Variants in MYO1E observed in about 807,000 individuals in gnomAD.
MYO1E encodes myosin IE, also known as unconventional myosin-Ie.
In MYO1E, 68 loss-of-function variants were observed where a neutral mutation model predicts 151.1. That is an observed-to-expected ratio of 0.45 (90% CI 0.37 to 0.55). The LOEUF (loss-of-function observed/expected upper bound fraction) is 0.55. Among genes scored for constraint, MYO1E ranks in the 20% least tolerant of loss-of-function variants. The pLI is 0.00. For missense variants in MYO1E, 1,363 were observed against 1,389.3 expected, an observed-to-expected ratio of 0.98 and a Z score of 0.30; for synonymous variants, 601 against 501.7, an observed-to-expected ratio of 1.20 and a Z score of -2.64.
chr15:59,141,257 G>GCACA (rs538600067), intron 26 of MYO1E, among the ~76,000 whole-genome samples: 104 of 152,172 alleles, frequency 6.8e-4, no homozygotes, highest in African/African-American at 2.2e-3. Context: ...ACATGTGCAC[G>GCACA]CACACACACC....
intron 1 of MYO1E, among the ~76,000 whole-genome samples, chr15:59,366,176 A>C (rs2080911866): frequency 6.6e-6 from 1 of 152,044 alleles, no homozygotes; most frequent in Non-Finnish European, 1.5e-5. Context: ...ACGGGGTTTC[A>C]CCAGGTTGGC....
At chr15:59,229,708 T>C (rs1433677299) in intron 6 of MYO1E, among the ~76,000 whole-genome samples, 1 of 152,238 alleles carries the variant, frequency 6.6e-6, no homozygotes, top group African/African-American at 2.4e-5. Flanking sequence ...AAGTGTTAAA[T>C]ATATACATTC....
At chr15:59,258,350 AAAAC>A (rs763605787) in intron 3 of MYO1E, among the ~76,000 whole-genome samples, 3 of 152,240 alleles carry the variant, frequency 2.0e-5, no homozygotes, top group Non-Finnish European at 4.4e-5. Context: ...GTCTCAAAAC[AAAAC>A]AAACAAACAA....
intron 1 of MYO1E, among the ~76,000 whole-genome samples, chr15:59,371,811 C>T (rs1414698844): frequency 6.6e-6 from 1 of 151,708 alleles, no homozygotes; most frequent in East Asian, 2.0e-4. Flanking sequence ...GGCCGGCGCC[C>T]GGCACAGGTC....
chr15:59,243,408 G>C (rs1273389987), intron 4 of MYO1E, among the ~76,000 whole-genome samples: 2 of 152,134 alleles, frequency 1.3e-5, no homozygotes, highest in African/African-American at 4.8e-5. Flanking sequence ...CTTTACATGT[G>C]TCAATCACTT....
chr15:59,341,694 T>C (rs779196479), intron 1 of MYO1E, among the ~76,000 whole-genome samples: 1 of 152,210 alleles, frequency 6.6e-6, no homozygotes, highest in South Asian at 2.1e-4. Flanking sequence ...CATTCTTTTT[T>C]ATTGCTGATT....
At chr15:59,229,070 C>T (rs1188965344) in intron 6 of MYO1E, among the ~76,000 whole-genome samples, 2 of 152,156 alleles carry the variant, frequency 1.3e-5, no homozygotes, top group South Asian at 2.1e-4. Context: ...CTTCCTTTGG[C>T]GGCCACCTTC....
intron 1 of MYO1E, among the ~76,000 whole-genome samples, chr15:59,341,758 T>G (rs2080767059): frequency 6.6e-6 from 1 of 152,210 alleles, no homozygotes; most frequent in East Asian, 1.9e-4. Flanking sequence ...AATGATTTCA[T>G]TCATCATTTG....
chr15:59,183,830 C>T (rs1005840697), intron 18 of MYO1E, among the ~76,000 whole-genome samples: 23 of 152,080 alleles, frequency 1.5e-4, no homozygotes, highest in African/African-American at 5.3e-4. Flanking sequence ...CTTCCCCTTC[C>T]CCCACTACCC....
Position 59,138,340 on chromosome 15 carries a change from A to T in MYO1E, c.3108T>A (p.Pro1036=). 6.2e-7 allele frequency: 1 copy of T among 1,613,996 alleles called. No homozygotes were observed. Among genetic ancestry groups the T allele is most frequent in the Non-Finnish European group, 8.5e-7 (1 of 1,179,980 alleles). ...GCTTGGGTCTGCCCCCTGCTGGGGGAGGCCGACTGGTTGTTTGTCTCCTGA... is the reference window on the plus strand; with the variant it reads ...GCTTGGGTCTGCCCCCTGCTGGGGGTGGCCGACTGGTTGTTTGTCTCCTGA... The part of the protein sequence containing the change: ...AGVRRQTTSR[P]PPAGGRPKPQ... The change falls in exon 27 of 28, where the codon CCT becomes CCA. Residue 1036 remains proline (P), a synonymous_variant. Transcript: ENST00000288235.
At chr15:59,145,071 G>A (rs1397970147) in intron 26 of MYO1E, among the ~76,000 whole-genome samples, 2 of 152,114 alleles carry the variant, frequency 1.3e-5, no homozygotes, top group Non-Finnish European at 2.9e-5. Context: ...TTGAACTCCT[G>A]ACCTCAACTG....
intron 25 of MYO1E, among the ~76,000 whole-genome samples, chr15:59,155,706 T>C (rs1365370510): frequency 2.6e-5 from 4 of 152,150 alleles, no homozygotes; most frequent in African/African-American, 9.7e-5. Flanking sequence ...GTGCTTGGAT[T>C]TTCTTCAAAG....
intron 4 of MYO1E, among the ~76,000 whole-genome samples, chr15:59,255,925 C>T (rs542380473): frequency 6.6e-6 from 1 of 152,184 alleles, no homozygotes; most frequent in East Asian, 1.9e-4. Flanking sequence ...GTAATCTTCC[C>T]CCAAATTCAA....
chr15:59,315,432 T>C (rs1361122806), intron 1 of MYO1E, among the ~76,000 whole-genome samples: 1 of 151,832 alleles, frequency 6.6e-6, no homozygotes, highest in Non-Finnish European at 1.5e-5. Flanking sequence ...AAATAGCTAA[T>C]GCATGCTGGG....
At chr15:59,290,777 A>G (rs558881285) in intron 1 of MYO1E, among the ~76,000 whole-genome samples, 60 of 152,356 alleles carry the variant, frequency 3.9e-4, no homozygotes, top group African/African-American at 1.4e-3. Flanking sequence ...CATAGTTTCC[A>G]AAGTCAAACA....
At chr15:59,166,542 AAGG>A (rs1181938333) in intron 22 of MYO1E, among the ~76,000 whole-genome samples, 2 of 151,914 alleles carry the variant, frequency 1.3e-5, no homozygotes, top group African/African-American at 4.8e-5. Flanking sequence ...GAAAGTCCTG[AAGG>A]AGTTTTGTTT....
At chr15:59,222,760 T>C (rs2079963817) in intron 9 of MYO1E, among the ~76,000 whole-genome samples, 1 of 152,226 alleles carries the variant, frequency 6.6e-6, no homozygotes, top group Non-Finnish European at 1.5e-5. Context: ...AAGAGATCAC[T>C]TTATCTTTAA....
intron 22 of MYO1E, among the ~76,000 whole-genome samples, chr15:59,170,195 C>T (rs941806904): frequency 1.3e-5 from 2 of 150,840 alleles, no homozygotes; most frequent in African/African-American, 2.4e-5. Context: ...AAAACAACCA[C>T]ACAAATGTAG....
chr15:59,186,015 C>T (rs1444538851), intron 18 of MYO1E, among the ~76,000 whole-genome samples: 1 of 152,200 alleles, frequency 6.6e-6, no homozygotes, highest in Non-Finnish European at 1.5e-5. Context: ...TAACTAACAT[C>T]TCAGTTGTGT....
Sources: gnomAD v4.1 joint callset for allele counts (sites outside exome capture counted in the v4.1 genomes callset) on GRCh38, gnomAD v4.1.1 for gene constraint, MANE v1.5 for transcripts, NCBI Gene and HGNC (gene_info 2026-07-23, HGNC 2026-07-21) for gene names.